EDEM2: variants seen among roughly 807,000 people sequenced by gnomAD.
The protein encoded by EDEM2 is ER degradation enhancing alpha-mannosidase like protein 2.
In EDEM2, 39 loss-of-function variants were observed where a neutral mutation model predicts 64.8. That is an observed-to-expected ratio of 0.60 (90% CI 0.47 to 0.79). The LOEUF (loss-of-function observed/expected upper bound fraction) is 0.79, where lower values mean the gene tolerates loss of function less well. Ranked by LOEUF, EDEM2 falls within the 30% of genes least tolerant of loss-of-function variation. The pLI, the probability that EDEM2 is intolerant of heterozygous loss-of-function variation, is 0.00. For missense variants in EDEM2, 609 were observed against 731.3 expected (o/e 0.83, Z 1.93); for synonymous variants, 296 against 291.5 (o/e 1.02, Z -0.16).
At chr20:35,129,712 C>G (rs1181077726) in intron 7 of EDEM2, among the ~76,000 whole-genome samples, 2 of 152,156 alleles carry the variant, frequency 1.3e-5, no homozygotes, top group African/African-American at 2.4e-5. Flanking sequence ...CACTGACTCA[C>G]CCAGAGCAAC....
intron 2 of EDEM2, 128 bp from the exon 3 acceptor site, chr20:35,145,146 T>TC (rs1360578999): frequency 2.2e-6 from 2 of 898,296 alleles, no homozygotes; most frequent in African/African-American, 3.4e-5. Flanking sequence ...CCACTTACAG[T>TC]CACAACAGAG....
Position 35,115,511 on chromosome 20 carries a change from G to A in EDEM2, c.1659C>T (p.Val553=), listed in dbSNP as rs141942867. ...ARERKPAKQK[V]PLLSCPSQPF... ...GCTGACTGGGGCAGCTGAGAAGTGG[G>A]ACCTTCTGTTTGGCAGGCTTCCTCT... Residue 553 remains valine (V), a synonymous_variant, in exon 11 of 11, where the codon GTC becomes GTT. Coordinates refer to ENST00000374492, the MANE Select transcript of EDEM2 (RefSeq NM_018217.3). 2.4e-5 allele frequency: 38 copies of A among 1,614,096 alleles called. No individual in the cohort carries two copies. The highest frequency in any genetic ancestry group is 3.1e-5 in the Non-Finnish European group (37 of 1,179,942).
intron 10 of EDEM2, 85 bp downstream of exon 10, chr20:35,118,513 G>C (rs1451871674): frequency 6.3e-7 from 1 of 1,595,818 alleles, no homozygotes; most frequent in Non-Finnish European, 8.6e-7. Flanking sequence ...TGATATGTCA[G>C]AACTCCCAAA....
At chr20:35,126,175 A>T in intron 8 of EDEM2, 76 bp downstream of exon 8, 2 of 1,559,142 alleles carry the variant, frequency 1.3e-6, no homozygotes, top group Non-Finnish European at 1.7e-6. Context: ...AAAGTACATT[A>T]TTTGACTTAT....
intron 4 of EDEM2, 99 bp downstream of exon 4, chr20:35,142,274 G>T: frequency 1.0e-6 from 1 of 970,570 alleles, no homozygotes; most frequent in Non-Finnish European, 1.6e-6. Flanking sequence ...CAAGGGTCCT[G>T]GCATGGTCAG....
Position 35,131,513 on chromosome 20 carries a change from C to A in EDEM2, c.844+129G>T, listed in dbSNP as rs1034263040. Reference sequence around the variant, plus strand: ...CCTGGGAGGCAGAGGTTGCAGTGAGCCTAGATTGTGCCACTGCACTCCAGC... The same window carrying A: ...CCTGGGAGGCAGAGGTTGCAGTGAGACTAGATTGTGCCACTGCACTCCAGC... On this transcript the variant is annotated intron_variant, in intron 7 of 10. Transcript: ENST00000374492. 4 of 1,162,656 alleles carry A rather than the reference C, an allele frequency of 3.4e-6. No individual in the cohort carries two copies. In the Admixed American group the frequency reaches 6.3e-5, roughly 18 times the overall value. The allele number at this position is 1,162,656 out of a possible 1,614,324, so 72.0% of individuals were successfully genotyped here.
At chr20:35,138,259 T>G (rs2085604417) in intron 4 of EDEM2, among the ~76,000 whole-genome samples, 1 of 152,188 alleles carries the variant, frequency 6.6e-6, no homozygotes, top group Non-Finnish European at 1.5e-5. Context: ...GGTGTTAAGT[T>G]TATGGGGTTT....
At chr20:35,136,573 A>G (rs1347387491) in intron 5 of EDEM2, among the ~76,000 whole-genome samples, 2 of 152,042 alleles carry the variant, frequency 1.3e-5, no homozygotes, top group African/African-American at 2.4e-5. Context: ...CCTGGGCAAC[A>G]TGGTGAAACC....
intron 8 of EDEM2, among the ~76,000 whole-genome samples, chr20:35,125,174 T>G (rs2085414992): frequency 6.7e-6 from 1 of 150,338 alleles, no homozygotes; most frequent in Non-Finnish European, 1.5e-5. Context: ...GTCTACCTGG[T>G]TATTCTGGAT....
intron 9 of EDEM2, among the ~76,000 whole-genome samples, chr20:35,123,355 G>A (rs2085390807): frequency 6.6e-6 from 1 of 152,154 alleles, no homozygotes; most frequent in Non-Finnish European, 1.5e-5. Context: ...CACTTTGGGA[G>A]GCCAAGGTGG....
chr20:35,138,100 A>G, intron 4 of EDEM2, 95 bp from the exon 5 acceptor site: 2 of 1,490,428 alleles, frequency 1.3e-6, no homozygotes, highest in African/African-American at 2.8e-5. Context: ...TAAACACTCT[A>G]TTGTGGGGCG....
At chr20:35,129,134 C>T (rs2085474844) in intron 7 of EDEM2, among the ~76,000 whole-genome samples, 1 of 150,758 alleles carries the variant, frequency 6.6e-6, no homozygotes, top group East Asian at 2.0e-4. Flanking sequence ...AGGCCAGGCA[C>T]GGTGGCTCAC....
chr20:35,131,650 A>G lies in EDEM2; in HGVS notation c.836T>C (p.Met279Thr). Residue 279 changes from methionine to threonine, a missense_variant, in exon 7 of 11, where the codon ATG becomes ACG. Physicochemically the swap from Met to Thr is moderately conservative, Grantham distance 81. Coordinates refer to ENST00000374492, the MANE Select transcript of EDEM2 (RefSeq NM_018217.3). ...ILLQDKKLMA[M>T]FLEYNKAIRN... is the part of the protein sequence containing the mutation. The stretch of plus-strand genomic sequence containing the variant: ...TACTCTGCCATTTTTACCTAGGAAC[A>G]TGGCCATGAGCTTCTTATCCTGAAG... 6.2e-7 allele frequency: 1 copy of G among 1,613,934 alleles called. No homozygotes were observed. Among genetic ancestry groups the G allele is most frequent in the Non-Finnish European group, 8.5e-7 (1 of 1,179,806 alleles).
chr20:35,115,738 G>A lies in EDEM2; in HGVS notation c.1432C>T (p.His478Tyr). 2.5e-6 allele frequency: 4 copies of A among 1,614,214 alleles called. No individual in the cohort carries two copies. The highest frequency in any genetic ancestry group is 3.4e-6 in the Non-Finnish European group (4 of 1,180,032). Residue 478 changes from histidine (H) to tyrosine (Y), a missense_variant, in exon 11 of 11, where the codon CAC becomes TAC. Coordinates refer to ENST00000374492, the MANE Select transcript of EDEM2 (RefSeq NM_018217.3). ...AGGYIFNTEA[H>Y]PIDPAALHCC... ...TGCAGGGCGGCAGGGTCGATGGGGT[G>A]AGCTTCTGTGTTGAAGATGTACCCC...
Position 35,128,310 on chromosome 20 carries a change from G to T in EDEM2, c.845-1935C>A, listed in dbSNP as rs1298258989. The stretch of plus-strand genomic sequence containing the variant: ...AGGCAGGAGAATGGCGTGAATCCGG[G>T]AGGTGGAGTTTGTAGTGAGCGGAGA... On this transcript the variant is annotated intron_variant, in intron 7 of 10. Coordinates refer to ENST00000374492, the MANE Select transcript of EDEM2 (RefSeq NM_018217.3). 4.3e-5 allele frequency among the ~76,000 whole-genome samples: 6 copies of T among 141,014 alleles called. No homozygotes were observed. The South Asian group carries it at 1.1e-3, about 26-fold the overall frequency. The allele number at this position is 141,014 out of a possible 152,430, so 92.5% of individuals were successfully genotyped here.
chr20:35,142,616 A>G (rs1199682916), intron 3 of EDEM2, 138 bp from the exon 4 acceptor site: 2 of 636,238 alleles, frequency 3.1e-6, no homozygotes, highest in Non-Finnish European at 5.4e-6. Flanking sequence ...TGGTGACAGC[A>G]GAAGAAAACA....
rs1273264882 is a variant in EDEM2, at chr20:35,131,627, C to G, written c.844+15G>C. On this transcript the variant is annotated intron_variant, in intron 7 of 10. Coordinates refer to ENST00000374492, the MANE Select transcript of EDEM2 (RefSeq NM_018217.3). ...AAAAATGAGGGGAAAAGCTCCCTTA[C>G]TCTGCCATTTTTACCTAGGAACATG... 4 of 1,611,138 alleles carry G rather than the reference C, an allele frequency of 2.5e-6. No individual in the cohort carries two copies. The highest frequency in any genetic ancestry group is 1.7e-6 in the Non-Finnish European group (2 of 1,178,180).
chr20:35,128,246 G>T (rs1206965648), intron 7 of EDEM2, among the ~76,000 whole-genome samples: 2 of 151,912 alleles, frequency 1.3e-5, no homozygotes, highest in Non-Finnish European at 2.9e-5. Flanking sequence ...AGCTGGGTGT[G>T]GTGGCGGGCG....
At position 35,118,106 on chromosome 20, in the gene EDEM2, G is replaced by A. The variant is rs535931110; in HGVS notation, c.1236+492C>T. Among the ~76,000 whole-genome samples the A allele has an allele frequency of 2.6e-5, 4 of 152,234 alleles. No homozygotes were observed. In the East Asian group the frequency reaches 7.7e-4, roughly 29 times the overall value. On this transcript the variant is annotated intron_variant, in intron 10 of 10. Transcript: ENST00000374492. ...TCTCATTAAAATGTAAGCTCCATGA[G>A]AGCAAGGCCACTGCTGTAACCCTTG...
Sources: gnomAD v4.1 joint callset for allele counts (sites outside exome capture counted in the v4.1 genomes callset) on GRCh38, gnomAD v4.1.1 for gene constraint, MANE v1.5 for transcripts, NCBI Gene and HGNC (gene_info 2026-07-23, HGNC 2026-07-21) for gene names.